The following ALK variants were observed in gnomAD, a reference collection of about 807,000 sequenced individuals.
The protein encoded by ALK is ALK receptor tyrosine kinase.
In ALK, 74 loss-of-function variants were observed where a neutral mutation model predicts 163.1. The observed-to-expected ratio is 0.45, with a 90% confidence interval of 0.38 to 0.55. The LOEUF is 0.55. Ranked by LOEUF, ALK falls within the 20% of genes least tolerant of loss-of-function variation. The pLI is 0.00. For synonymous variants in ALK, 960 were observed against 843.2 expected (o/e 1.14, Z -2.40); for missense variants, 2,063 against 2,105.3 (o/e 0.98, Z 0.39).
At chr2:29,781,793 T>G (rs927367445) in intron 1 of ALK, among the ~76,000 whole-genome samples, 1 of 152,216 alleles carries the variant, frequency 6.6e-6, no homozygotes, top group Non-Finnish European at 1.5e-5. Flanking sequence ...CCATGGGCTG[T>G]CTTCTTTGTC....
chr2:29,201,992 C>A (rs1345980117), intron 26 of ALK, among the ~76,000 whole-genome samples: 1 of 152,012 alleles, frequency 6.6e-6, no homozygotes, highest in Non-Finnish European at 1.5e-5. Flanking sequence ...TGCTTACAAC[C>A]CTTCAACCGG....
intron 5 of ALK, among the ~76,000 whole-genome samples, chr2:29,328,921 C>G (rs537554622): frequency 4.6e-5 from 7 of 152,106 alleles, no homozygotes; most frequent in Non-Finnish European, 1.0e-4. Flanking sequence ...GTTCTTGACC[C>G]CAGGTTCTAC....
intron 1 of ALK, among the ~76,000 whole-genome samples, chr2:29,836,255 G>C (rs1665556164): frequency 6.6e-6 from 1 of 152,128 alleles, no homozygotes; most frequent in Non-Finnish European, 1.5e-5. Context: ...GTATCACTCA[G>C]GTTAGGCTAA....
chr2:29,702,315 C>T (rs577091283), intron 2 of ALK, among the ~76,000 whole-genome samples: 1 of 152,082 alleles, frequency 6.6e-6, no homozygotes, highest in African/African-American at 2.4e-5. Context: ...CAACAATGTA[C>T]AAGCTCTACA....
intron 3 of ALK, among the ~76,000 whole-genome samples, chr2:29,566,682 G>A (rs1244821023): frequency 6.6e-6 from 1 of 152,156 alleles, no homozygotes; most frequent in African/African-American, 2.4e-5. Context: ...GAATAAAAAT[G>A]TATTTTCCAA....
chr2:29,269,425 C>G (rs1450280981), intron 11 of ALK, among the ~76,000 whole-genome samples: 1 of 152,182 alleles, frequency 6.6e-6, no homozygotes, highest in Non-Finnish European at 1.5e-5. Flanking sequence ...CTGGAAGAGA[C>G]TCATTAGCGT....
chr2:29,868,309 T>C (rs575931115), intron 1 of ALK, among the ~76,000 whole-genome samples: 2 of 152,326 alleles, frequency 1.3e-5, no homozygotes, highest in African/African-American at 4.8e-5. Flanking sequence ...ACCTACTATG[T>C]ATTAGTCACA....
chr2:29,457,713 G>A (rs959969759), intron 4 of ALK, among the ~76,000 whole-genome samples: 3 of 151,952 alleles, frequency 2.0e-5, no homozygotes, highest in Non-Finnish European at 2.9e-5. Flanking sequence ...CAATAACAGT[G>A]GTTTATCAAG....
At chr2:29,318,777 A>T (rs891950175) in intron 7 of ALK, among the ~76,000 whole-genome samples, 2 of 152,092 alleles carry the variant, frequency 1.3e-5, no homozygotes, top group Non-Finnish European at 2.9e-5. Context: ...TGTGTTAGCC[A>T]GGATAGTCTC....
chr2:29,820,889 C>T (rs1312240355), intron 1 of ALK, among the ~76,000 whole-genome samples: 1 of 152,150 alleles, frequency 6.6e-6, no homozygotes, highest in Non-Finnish European at 1.5e-5. Context: ...TCCTTCTGTT[C>T]CTGACTCTCA....
rs549516077 is a variant in ALK, at chr2:29,770,462, G to A, written c.668-52765C>T. On this transcript the variant is annotated intron_variant, in intron 1 of 28. Transcript: ENST00000389048. ...TTCTAGTGTCCTACTCTTACTAAGAGCAGAAACTAGTGTTGACAGACATCT... is the reference window on the plus strand; with the variant it reads ...TTCTAGTGTCCTACTCTTACTAAGAACAGAAACTAGTGTTGACAGACATCT... 2.0e-4 allele frequency among the ~76,000 whole-genome samples: 31 copies of A among 152,338 alleles called. No homozygotes were observed. The South Asian group carries it at 6.4e-3, about 32-fold the overall frequency.
chr2:29,689,260 T>C (rs1424150017), intron 3 of ALK, among the ~76,000 whole-genome samples: 4 of 152,128 alleles, frequency 2.6e-5, no homozygotes, highest in Non-Finnish European at 5.9e-5. Context: ...TATCAATACC[T>C]CAAAAGATCA....
At chr2:29,843,086 G>T (rs1665743595) in intron 1 of ALK, among the ~76,000 whole-genome samples, 1 of 152,094 alleles carries the variant, frequency 6.6e-6, no homozygotes, top group African/African-American at 2.4e-5. Context: ...GCAGGTAAGG[G>T]TGATTGGGTA....
intron 11 of ALK, among the ~76,000 whole-genome samples, chr2:29,268,730 G>A (rs1192762701): frequency 2.0e-5 from 3 of 152,184 alleles, no homozygotes; most frequent in Non-Finnish European, 2.9e-5. Context: ...GCAGTATTTA[G>A]TATTGTTCCT....
chr2:29,239,875 C>G (rs778364430), intron 12 of ALK, 45 bp from the exon 13 acceptor site: 2 of 1,594,372 alleles, frequency 1.3e-6, no homozygotes, highest in East Asian at 2.2e-5. Context: ...GGTATGAAGA[C>G]TGTCCCCCTT....
chr2:29,894,843 CACACACACAA>C (rs777315033), intron 1 of ALK, among the ~76,000 whole-genome samples: 4,946 of 142,332 alleles, frequency 0.035, 97 homozygotes, highest in African/African-American at 0.057. Flanking sequence ...AACACACACA[CACACACACAA>C]ACACACACAC....
At chr2:29,842,402 G>T (rs1465849914) in intron 1 of ALK, among the ~76,000 whole-genome samples, 2 of 152,122 alleles carry the variant, frequency 1.3e-5, no homozygotes, top group East Asian at 3.9e-4. Flanking sequence ...GAATCTGGGG[G>T]TGTTCTTGGG....
chr2:29,611,940 T>C (rs114347737), intron 3 of ALK, among the ~76,000 whole-genome samples: 322 of 152,322 alleles, frequency 2.1e-3, no homozygotes, highest in African/African-American at 7.4e-3. Flanking sequence ...TATACAGCAG[T>C]GTGAAAACAG....
intron 9 of ALK, among the ~76,000 whole-genome samples, chr2:29,285,051 G>A (rs913523682): frequency 6.6e-6 from 1 of 152,098 alleles, no homozygotes; most frequent in Non-Finnish European, 1.5e-5. Flanking sequence ...ACTTAAGTTC[G>A]CCCAAGGCTG....
Sources: allele counts gnomAD v4.1 joint callset (sites outside exome capture counted in the v4.1 genomes callset), GRCh38; gene constraint gnomAD v4.1.1; transcripts MANE v1.5; gene names NCBI Gene and HGNC (gene_info 2026-07-23, HGNC 2026-07-21).